The following C1orf21 variants were observed in gnomAD, a reference collection of about 807,000 sequenced individuals.
C1orf21 encodes uncharacterized protein C1orf21.
In C1orf21, 3 loss-of-function variants were observed where a neutral mutation model predicts 18.7. The ratio of observed to expected loss-of-function variants is 0.16; its 90% CI spans 0.07 to 0.42. C1orf21 has a LOEUF of 0.42. Among genes scored for constraint, C1orf21 ranks in the 10% least tolerant of loss-of-function variants. C1orf21 has a pLI of 0.99. For synonymous variants in C1orf21, 41 were observed against 46.4 expected, an observed-to-expected ratio of 0.88 and a Z score of 0.47; for missense variants, 104 against 143.6, an observed-to-expected ratio of 0.72 and a Z score of 1.41.
In C1orf21 at chr1:184,498,526, G is replaced by A. The variant is rs903843915; in HGVS notation, c.95-9062G>A. Among the ~76,000 whole-genome samples, 5 of 152,144 alleles carry A rather than the reference G, an allele frequency of 3.3e-5. No individual in the cohort carries two copies. The East Asian group carries it at 5.8e-4, about 18-fold the overall frequency. On this transcript the variant is annotated intron_variant, in intron 2 of 5. Transcript: ENST00000235307. Reference sequence around the variant, plus strand: ...CTGTAAATCCATAACCGTCAGTCTCGATGGCAGTGAAGAAGTAACTACAGA... The same window carrying A: ...CTGTAAATCCATAACCGTCAGTCTCAATGGCAGTGAAGAAGTAACTACAGA...
Position 184,593,740 on chromosome 1 carries a change from A to AC in C1orf21, c.266+2926dup, listed in dbSNP as rs573785820. On this transcript the variant is annotated intron_variant, in intron 4 of 5. Coordinates refer to ENST00000235307, the MANE Select transcript of C1orf21 (RefSeq NM_030806.4). ...ATTAGAAATAACCCAGATGCCTTTA[A>AC]CAGGAGGTTGCGTGAATGCACCACA... Among the ~76,000 whole-genome samples the AC allele has an allele frequency of 6.4e-4, 98 of 152,324 alleles. 1 individual carries two copies. In the East Asian group the frequency reaches 0.016, roughly 24 times the overall value.
At chr1:184,571,296 CAAAAAAA>C (rs66868646) in intron 3 of C1orf21, among the ~76,000 whole-genome samples, 1,133 of 85,580 alleles carry the variant, frequency 0.013, 19 homozygotes, top group African/African-American at 0.046. Context: ...GACTCCGTCT[CAAAAAAA>C]AAAAAAAAAA....
At chr1:184,419,548 CATA>C (rs1012699452) in intron 1 of C1orf21, among the ~76,000 whole-genome samples, 6 of 151,960 alleles carry the variant, frequency 3.9e-5, no homozygotes, top group African/African-American at 1.4e-4. Context: ...CCTCGAGGAG[CATA>C]TACTTTAGAA....
In C1orf21 at chr1:184,507,671, C is replaced by T; in HGVS notation, c.178C>T (p.Gln60Ter). ...EEEQKIAARN[Q>*]ENLEKSASSN... The stretch of plus-strand genomic sequence containing the variant: ...AGAGCAGAAAATAGCAGCCAGGAAC[C>T]AAGAAAACTTGGTAAGAATTGATTT... The change falls in exon 3 of 6, where the codon CAA (glutamine) becomes TAA (stop). Residue 60 changes from glutamine to a stop codon, truncating the protein, a stop_gained. Transcript: ENST00000235307. LOFTEE classifies it high-confidence loss of function. The T allele has an allele frequency of 6.3e-7, 1 of 1,586,450 alleles. No individual in the cohort carries two copies. The highest frequency in any genetic ancestry group is 8.5e-7 in the Non-Finnish European group (1 of 1,171,554).
rs1660049876 is a variant in C1orf21 at position 184,628,252 on chromosome 1, ACTCT to A, written c.*8701_*8704del. On this transcript the variant is annotated 3_prime_UTR_variant, in exon 6 of 6. Transcript: ENST00000235307. ...TGTCAGCAAAAACTTCGTGAGATGC[ACTCT>A]CTCTGTGTGTTTATTAATTTATTTA... 6.6e-6 allele frequency: 1 copy of A among 152,046 alleles called. No homozygotes were observed. The highest frequency in any genetic ancestry group is 2.4e-5 in the African/African-American group (1 of 41,462). 9.4% of individuals were successfully genotyped at this position (152,046 alleles called of 1,614,324 possible).
chr1:184,575,360 T>G (rs1446746256), intron 3 of C1orf21, among the ~76,000 whole-genome samples: 1 of 152,096 alleles, frequency 6.6e-6, no homozygotes, highest in Non-Finnish European at 1.5e-5. Flanking sequence ...CAGAGATGAC[T>G]CTTGTATTAG....
At chr1:184,467,383 G>A (rs151096874) in intron 1 of C1orf21, among the ~76,000 whole-genome samples, 14 of 152,202 alleles carry the variant, frequency 9.2e-5, no homozygotes, top group Non-Finnish European at 1.5e-4. Context: ...TTGAGGCTAT[G>A]ATGAAGCAGG....
intron 1 of C1orf21, among the ~76,000 whole-genome samples, chr1:184,416,263 C>T (rs1025098278): frequency 2.6e-5 from 4 of 151,946 alleles, no homozygotes; most frequent in African/African-American, 9.7e-5. Context: ...TAATTTGTTC[C>T]TTGAAGGAAT....
chr1:184,604,946 A>C (rs1248210059), intron 5 of C1orf21, among the ~76,000 whole-genome samples: 3 of 152,232 alleles, frequency 2.0e-5, no homozygotes, highest in Non-Finnish European at 4.4e-5. Context: ...TTTCTAATGC[A>C]ACATAGTCAT....
chr1:184,526,406 A>G, intron 3 of C1orf21, among the ~76,000 whole-genome samples: 1 of 152,168 alleles, frequency 6.6e-6, no homozygotes, highest in East Asian at 1.9e-4. Flanking sequence ...ACCTACAGGT[A>G]TTTTTGAAGC....
At chr1:184,405,470 C>T (rs940376092) in intron 1 of C1orf21, among the ~76,000 whole-genome samples, 18 of 152,142 alleles carry the variant, frequency 1.2e-4, no homozygotes, top group African/African-American at 3.9e-4. Context: ...GCTGGGGTTA[C>T]AGGTGTGAGC....
At position 184,390,671 on chromosome 1, in the gene C1orf21, C is replaced by T. The variant is rs541586567; in HGVS notation, c.-125+3303C>T. Among the ~76,000 whole-genome samples the T allele has an allele frequency of 7.8e-4, 119 of 152,244 alleles. 1 individual carries two copies. The highest frequency in any genetic ancestry group is 1.6e-3 in the Non-Finnish European group (110 of 68,008). On this transcript the variant is annotated intron_variant, in intron 1 of 5. Transcript: ENST00000235307. ...GATATATAATACAGGTTGGAGGACCCTACACAATGTACGTGGTGGGTACTC... is the reference window on the plus strand; with the variant it reads ...GATATATAATACAGGTTGGAGGACCTTACACAATGTACGTGGTGGGTACTC...
chr1:184,589,566 CCTT>C, intron 3 of C1orf21, among the ~76,000 whole-genome samples: 1 of 152,160 alleles, frequency 6.6e-6, no homozygotes, highest in Non-Finnish European at 1.5e-5. Flanking sequence ...TATGTTTTAT[CCTT>C]CTTAAATGTT....
intron 3 of C1orf21, among the ~76,000 whole-genome samples, chr1:184,531,725 C>T (rs1430619081): frequency 6.6e-6 from 1 of 152,050 alleles, no homozygotes; most frequent in Non-Finnish European, 1.5e-5. Flanking sequence ...CTTTAAATTT[C>T]ATTTCCTTCA....
intron 2 of C1orf21, 35 bp downstream of exon 2, chr1:184,477,638 A>T (rs1044980607): frequency 6.5e-7 from 1 of 1,544,926 alleles, no homozygotes; most frequent in Non-Finnish European, 8.9e-7. Flanking sequence ...TGACCCATTG[A>T]TTCTAGGCCT....
intron 1 of C1orf21, among the ~76,000 whole-genome samples, chr1:184,458,126 C>T (rs1406453460): frequency 6.6e-6 from 1 of 152,150 alleles, no homozygotes; most frequent in Non-Finnish European, 1.5e-5. Flanking sequence ...GTTCCTTCGC[C>T]TGACCCGTTC....
chr1:184,475,608 C>T (rs1054331567), intron 1 of C1orf21, among the ~76,000 whole-genome samples: 3 of 152,060 alleles, frequency 2.0e-5, no homozygotes, highest in Non-Finnish European at 2.9e-5. Context: ...CACTGTATTG[C>T]GTGCAATTTT....
intron 3 of C1orf21, among the ~76,000 whole-genome samples, chr1:184,556,335 A>C (rs931818774): frequency 1.3e-5 from 2 of 152,128 alleles, no homozygotes; most frequent in African/African-American, 4.8e-5. Flanking sequence ...GCATATCCAA[A>C]AACCCATTCT....
chr1:184,510,238 C>G (rs1658124300), intron 3 of C1orf21, among the ~76,000 whole-genome samples: 1 of 152,208 alleles, frequency 6.6e-6, no homozygotes, highest in Non-Finnish European at 1.5e-5. Flanking sequence ...CTTGAAGTCA[C>G]AGTCCTCAAG....
Sources: allele counts gnomAD v4.1 joint callset (sites outside exome capture counted in the v4.1 genomes callset), GRCh38; gene constraint gnomAD v4.1.1; transcripts MANE v1.5; gene names NCBI Gene and HGNC (gene_info 2026-07-23, HGNC 2026-07-21).